GPC5: variants seen among roughly 807,000 people sequenced by gnomAD.
The protein encoded by GPC5 is glypican-5.
Under a neutral mutation model 53.9 loss-of-function variants are expected in GPC5, and 47 were observed. The ratio of observed to expected loss-of-function variants is 0.87; its 90% confidence interval spans 0.69 to 1.11. The LOEUF (loss-of-function observed/expected upper bound fraction) is 1.11. Ranked by LOEUF, GPC5 falls within the 50% of genes most tolerant of loss-of-function variation. The pLI is 0.00. For missense variants in GPC5, 748 were observed against 713.1 expected (o/e 1.05, Z -0.56); for synonymous variants, 286 against 263.3 (o/e 1.09, Z -0.84).
chr13:91,443,188 T>C (rs1236172029), intron 1 of GPC5, among the ~76,000 whole-genome samples: 1 of 152,168 alleles, frequency 6.6e-6, no homozygotes, highest in East Asian at 1.9e-4. Flanking sequence ...AATATTTATA[T>C]TAAAGCTCCC....
At chr13:91,806,021 A>ATT (rs71113764) in intron 5 of GPC5, among the ~76,000 whole-genome samples, 1,981 of 48,832 alleles carry the variant, frequency 0.041, 312 homozygotes, top group African/African-American at 0.072. Context: ...AAATACAATA[A>ATT]TTTTTTTTTT....
chr13:91,579,264 T>G (rs1174518463), intron 2 of GPC5, among the ~76,000 whole-genome samples: 1 of 152,218 alleles, frequency 6.6e-6, no homozygotes, highest in African/African-American at 2.4e-5. Flanking sequence ...TGGCCCGGCA[T>G]GTCCTTTCAG....
At chr13:91,985,712 C>T (rs2040400608) in intron 6 of GPC5, among the ~76,000 whole-genome samples, 1 of 152,138 alleles carries the variant, frequency 6.6e-6, no homozygotes, top group Admixed American at 6.5e-5. Flanking sequence ...CTTTCTACTA[C>T]TTAACTTTAC....
intron 7 of GPC5, among the ~76,000 whole-genome samples, chr13:92,181,471 T>C (rs1566473280): frequency 1.3e-5 from 2 of 152,242 alleles, no homozygotes; most frequent in African/African-American, 2.4e-5. Context: ...GAATCATTGC[T>C]ATATATCATG....
chr13:92,125,923 G>GTTTTTTTTTT lies in GPC5; in HGVS notation c.1402-18907_1402-18906insTTTTTTTTTT, dbSNP rs1566446337. On this transcript the variant is annotated intron_variant, in intron 6 of 7. Coordinates refer to ENST00000377067, the MANE Select transcript of GPC5 (RefSeq NM_004466.6). The stretch of plus-strand genomic sequence containing the variant: ...ATTAGAAAGGAAACATTTGTTTTTT[G>GTTTTTTTTTT]GTTTTTTTTTTTTTTTTTTTTTTTT... Among the ~76,000 whole-genome samples the GTTTTTTTTTT allele has an allele frequency of 2.6e-4, 11 of 41,536 alleles. 5 individuals carry two copies. Among genetic ancestry groups the GTTTTTTTTTT allele is most frequent in the Admixed American group, 1.2e-3 (4 of 3,418 alleles). The allele number at this position is 41,536 out of a possible 152,430, so 27.2% of individuals were successfully genotyped here. A position where few individuals can be genotyped will look rare whatever the true frequency, so the allele number is the denominator to read the frequency against.
intron 7 of GPC5, among the ~76,000 whole-genome samples, chr13:92,696,673 T>C (rs1232229447): frequency 6.6e-6 from 1 of 152,214 alleles, no homozygotes; most frequent in Admixed American, 6.5e-5. Flanking sequence ...TGAAAGTTTC[T>C]TTTGCTGTGA....
chr13:91,689,343 G>A (rs1267298674), intron 2 of GPC5, among the ~76,000 whole-genome samples: 1 of 148,650 alleles, frequency 6.7e-6, no homozygotes, highest in African/African-American at 2.4e-5. Context: ...GTCAGTAAGT[G>A]AGTGGTGAGT....
chr13:92,700,332 G>A (rs1887691722), intron 7 of GPC5, among the ~76,000 whole-genome samples: 1 of 137,354 alleles, frequency 7.3e-6, no homozygotes, highest in African/African-American at 2.7e-5. Flanking sequence ...GCCTATGTGT[G>A]TCTTTGCACA....
rs115411566 is a variant in GPC5, at chr13:91,869,410, C to T, written c.1281-38527C>T. Among the ~76,000 whole-genome samples the T allele has an allele frequency of 8.6e-3, 1,308 of 152,232 alleles. 21 individuals carry two copies. The highest frequency in any genetic ancestry group is 0.022 in the African/African-American group (918 of 41,534). On this transcript the variant is annotated intron_variant, in intron 5 of 7. Transcript: ENST00000377067. ...TTATTAATTGTATTCTTGGACAAAG[C>T]CAGAGTCCTAAAGGAAAAATATATG...
chr13:92,837,859 G>A (rs1348860734), intron 7 of GPC5, among the ~76,000 whole-genome samples: 1 of 152,010 alleles, frequency 6.6e-6, no homozygotes, highest in Non-Finnish European at 1.5e-5. Flanking sequence ...TTGGGAGGCC[G>A]AGGCGGGCGG....
chr13:92,446,509 A>G (rs1441292922), intron 7 of GPC5: 1 of 151,144 alleles, frequency 6.6e-6, no homozygotes, highest in Non-Finnish European at 1.5e-5. Context: ...TAAGTACCAC[A>G]TTTTCTTTAT....
chr13:92,561,838 C>G (rs1261041685), intron 7 of GPC5, among the ~76,000 whole-genome samples: 1 of 152,116 alleles, frequency 6.6e-6, no homozygotes, highest in East Asian at 1.9e-4. Flanking sequence ...TGCTGCTGAG[C>G]GTGAGCCTCA....
chr13:92,279,714 T>G (rs1366289221), intron 7 of GPC5, among the ~76,000 whole-genome samples: 1 of 152,052 alleles, frequency 6.6e-6, no homozygotes, highest in Non-Finnish European at 1.5e-5. Flanking sequence ...ATACATTGTG[T>G]TACATTGATT....
At chr13:92,258,361 A>G (rs2042742061) in intron 7 of GPC5, among the ~76,000 whole-genome samples, 1 of 152,208 alleles carries the variant, frequency 6.6e-6, no homozygotes. Context: ...TAGGCTTGTA[A>G]TAAATACAAC....
At chr13:91,824,424 C>T (rs1213311742) in intron 5 of GPC5, among the ~76,000 whole-genome samples, 6 of 151,978 alleles carry the variant, frequency 3.9e-5, no homozygotes, top group African/African-American at 1.4e-4. Flanking sequence ...TTAAATGGCT[C>T]AGTATTCATT....
At chr13:92,543,462 G>A (rs922769068) in intron 7 of GPC5, among the ~76,000 whole-genome samples, 1 of 151,976 alleles carries the variant, frequency 6.6e-6, no homozygotes, top group African/African-American at 2.4e-5. Context: ...TAGGGGAAGT[G>A]TGACTGCTCT....
intron 7 of GPC5, among the ~76,000 whole-genome samples, chr13:92,816,103 T>C (rs1318423026): frequency 1.3e-5 from 2 of 151,938 alleles, no homozygotes; most frequent in Non-Finnish European, 2.9e-5. Context: ...TGAAAGTTGA[T>C]AGAGAAGGCC....
intron 2 of GPC5, among the ~76,000 whole-genome samples, chr13:91,598,797 C>T (rs1187191949): frequency 2.0e-5 from 3 of 151,984 alleles, no homozygotes; most frequent in African/African-American, 7.2e-5. Context: ...TCCTCATCTA[C>T]CTAACAAAAA....
intron 7 of GPC5, among the ~76,000 whole-genome samples, chr13:92,544,330 T>C (rs985185957): frequency 2.6e-5 from 4 of 152,152 alleles, no homozygotes; most frequent in Admixed American, 2.6e-4. Context: ...TGGCATTTAA[T>C]AGAAAGGTGT....
Sources: allele counts gnomAD v4.1 joint callset (sites outside exome capture counted in the v4.1 genomes callset), GRCh38; gene constraint gnomAD v4.1.1; transcripts MANE v1.5; gene names NCBI Gene and HGNC (gene_info 2026-07-23, HGNC 2026-07-21).